The following PRIM2 variants were observed in gnomAD, a reference collection of about 807,000 sequenced individuals.
PRIM2 encodes the protein DNA primase large subunit.
PRIM2 carries 39 observed loss-of-function variants against 67.3 expected under a neutral mutation model. The ratio of observed to expected loss-of-function variants is 0.58; its 90% confidence interval spans 0.45 to 0.76. The LOEUF is 0.76. PRIM2 is among the 30% of genes least tolerant of loss of function. The pLI, the probability that PRIM2 is intolerant of heterozygous loss-of-function variation, is 0.00. For synonymous variants in PRIM2, 143 were observed against 198.7 expected, an observed-to-expected ratio of 0.72 and a Z score of 2.36; for missense variants, 398 against 598.7, an observed-to-expected ratio of 0.66 and a Z score of 3.50.
At chr6:57,595,999 A>G (rs1174042531) in intron 10 of PRIM2, among the ~76,000 whole-genome samples, 1 of 152,002 alleles carries the variant, frequency 6.6e-6, no homozygotes, top group Non-Finnish European at 1.5e-5. Flanking sequence ...ACCAAGAGTC[A>G]CCTCATTAGA....
intron 7 of PRIM2, among the ~76,000 whole-genome samples, chr6:57,436,452 T>A (rs1476573938): frequency 6.6e-6 from 1 of 152,214 alleles, no homozygotes; most frequent in Non-Finnish European, 1.5e-5. Context: ...TCAGAAAATG[T>A]GATTTTCAAC....
At chr6:57,271,493 A>G in the PRIM2 span, among the ~76,000 whole-genome samples, 1 of 152,094 alleles carries the variant, frequency 6.6e-6, no homozygotes, top group Non-Finnish European at 1.5e-5. Flanking sequence ...ACCATTTTGT[A>G]TTCCGTCTAT....
intron 7 of PRIM2, among the ~76,000 whole-genome samples, chr6:57,456,617 G>T (rs1772791989): frequency 6.6e-6 from 1 of 152,010 alleles, no homozygotes; most frequent in African/African-American, 2.4e-5. Flanking sequence ...TAGTTCTCGT[G>T]CCTTGGTTTT....
At chr6:57,619,628 A>C (rs1776815960) in intron 12 of PRIM2, among the ~76,000 whole-genome samples, 2 of 152,266 alleles carry the variant, frequency 1.3e-5, no homozygotes, top group South Asian at 4.1e-4. Context: ...AATGCTCTGG[A>C]AAGTCTCAGC....
At chr6:57,303,823 T>C in the PRIM2 span, among the ~76,000 whole-genome samples, 20 of 152,240 alleles carry the variant, frequency 1.3e-4, no homozygotes, top group African/African-American at 4.8e-4. Context: ...TTAGTAAAGA[T>C]GGGGTTTCAC....
At chr6:57,407,038 G>C (rs1181594090) in intron 7 of PRIM2, among the ~76,000 whole-genome samples, 9 of 151,308 alleles carry the variant, frequency 5.9e-5, no homozygotes, top group Non-Finnish European at 1.2e-4. Context: ...CAGATTACTT[G>C]CTTATAAATT....
the PRIM2 span, among the ~76,000 whole-genome samples, chr6:57,298,729 T>C: frequency 6.6e-6 from 1 of 152,172 alleles, no homozygotes; most frequent in African/African-American, 2.4e-5. Context: ...TTGTGTAATA[T>C]GACAAACCCA....
intron 10 of PRIM2, among the ~76,000 whole-genome samples, chr6:57,560,587 A>AT (rs1371007937): frequency 1.3e-5 from 2 of 150,520 alleles, no homozygotes; most frequent in Non-Finnish European, 3.0e-5. Flanking sequence ...AATTAAATAT[A>AT]TTTTTAAAAT....
the PRIM2 span, among the ~76,000 whole-genome samples, chr6:57,232,796 C>T: frequency 1.3e-5 from 2 of 152,152 alleles, no homozygotes; most frequent in African/African-American, 4.8e-5. Context: ...TTGTTGTGCA[C>T]ATACAGTTAG....
Position 57,432,171 on chromosome 6 carries a change from A to G in PRIM2, c.693+50003A>G, listed in dbSNP as rs565650586. 9.7e-4 allele frequency among the ~76,000 whole-genome samples: 147 copies of G among 152,306 alleles called. 3 individuals carry two copies. The South Asian group carries it at 0.025, about 26-fold the overall frequency. On this transcript the variant is annotated intron_variant, in intron 7 of 13. Transcript: ENST00000615550. Reference sequence around the variant, plus strand: ...AGGAAGTAAGATTATAAATTTGCCAACAATTGGACTAAATGAAGTTGGAAG... The same window carrying G: ...AGGAAGTAAGATTATAAATTTGCCAGCAATTGGACTAAATGAAGTTGGAAG...
chr6:57,409,627 A>G (rs1393669868), intron 7 of PRIM2, among the ~76,000 whole-genome samples: 1 of 152,220 alleles, frequency 6.6e-6, no homozygotes, highest in African/African-American at 2.4e-5. Flanking sequence ...CCACCTTGCC[A>G]AAAGTTGATA....
chr6:57,371,955 C>T (rs1028753194), intron 5 of PRIM2, among the ~76,000 whole-genome samples: 3 of 152,196 alleles, frequency 2.0e-5, no homozygotes, highest in African/African-American at 4.8e-5. Flanking sequence ...AAGTTACTGT[C>T]AACAGAGATA....
At chr6:57,505,135 G>A (rs1774225322) in intron 7 of PRIM2, 1 of 152,164 alleles carries the variant, frequency 6.6e-6, no homozygotes, top group Admixed American at 6.6e-5. Flanking sequence ...ACTTTAAAGA[G>A]CTTTGGAATA....
chr6:57,229,837 A>G, the PRIM2 span, among the ~76,000 whole-genome samples: 1 of 151,850 alleles, frequency 6.6e-6, no homozygotes, highest in Non-Finnish European at 1.5e-5. Flanking sequence ...TCCCTTTGCT[A>G]TTGTTCCATT....
At chr6:57,521,333 T>C (rs1314938114) in intron 8 of PRIM2, among the ~76,000 whole-genome samples, 1 of 149,568 alleles carries the variant, frequency 6.7e-6, no homozygotes, top group Non-Finnish European at 1.5e-5. Flanking sequence ...CTGTGCTTTC[T>C]AAATGTCTGA....
At chr6:57,299,442 G>A in the PRIM2 span, among the ~76,000 whole-genome samples, 1 of 152,082 alleles carries the variant, frequency 6.6e-6, no homozygotes. Context: ...CTCCTTTTAA[G>A]CAGACTGACC....
chr6:57,596,035 A>G (rs1486777836), intron 10 of PRIM2, among the ~76,000 whole-genome samples: 13 of 152,110 alleles, frequency 8.5e-5, no homozygotes, highest in Non-Finnish European at 5.9e-5. Flanking sequence ...ATCAATGCCC[A>G]GGGAGTTCCA....
intron 7 of PRIM2, among the ~76,000 whole-genome samples, chr6:57,448,931 G>A (rs1772445084): frequency 6.6e-6 from 1 of 152,110 alleles, no homozygotes; most frequent in South Asian, 2.1e-4. Context: ...CAAAGGAAGG[G>A]GATGTAAGGA....
chr6:57,574,772 T>A (rs1457350290), intron 10 of PRIM2, among the ~76,000 whole-genome samples: 1 of 150,982 alleles, frequency 6.6e-6, no homozygotes. Context: ...TTAGCTCAGA[T>A]CCAGAGGAGA....
Sources: gnomAD v4.1 joint callset for allele counts (sites outside exome capture counted in the v4.1 genomes callset) on GRCh38, gnomAD v4.1.1 for gene constraint, MANE v1.5 for transcripts, NCBI Gene and HGNC (gene_info 2026-07-23, HGNC 2026-07-21) for gene names.